The following CCDC102B variants were observed in gnomAD, a reference collection of about 807,000 sequenced individuals.
The protein encoded by CCDC102B is coiled-coil domain containing 102B, also known as coiled-coil domain-containing protein 102B.
A neutral mutation model predicts 57.4 loss-of-function variants in CCDC102B; 75 were observed. The observed-to-expected ratio is 1.31, with a 90% CI of 1.08 to 1.58. The LOEUF is 1.58. CCDC102B is among the 40% of genes most tolerant of loss of function. The pLI is 0.00. For synonymous variants in CCDC102B, 206 were observed against 201.9 expected, an observed-to-expected ratio of 1.02 and a Z score of -0.17; for missense variants, 636 against 582.6, an observed-to-expected ratio of 1.09 and a Z score of -0.94.
At chr18:68,759,233 A>G (rs994705716) in intron 2 of CCDC102B, among the ~76,000 whole-genome samples, 7 of 152,094 alleles carry the variant, frequency 4.6e-5, no homozygotes, top group Admixed American at 3.9e-4. Flanking sequence ...GATGTTTACC[A>G]TCTTAAAAAT....
rs1158834412 is a variant in CCDC102B at position 68,808,470 on chromosome 18, T to A, written c.-16+10289T>A. 1.2e-4 allele frequency among the ~76,000 whole-genome samples: 13 copies of A among 104,668 alleles called. No homozygotes were observed. The South Asian group carries it at 4.0e-3, about 32-fold the overall frequency. The allele number at this position is 104,668 out of a possible 152,430, so 68.7% of individuals were successfully genotyped here. ...TTGTTATTTCATTGCTTTTACTACT[T>A]TTTTTTTTTTTTTTTTTTTTTTTGT... On this transcript the variant is annotated intron_variant, in intron 1 of 7. Transcript: ENST00000360242.
At chr18:68,783,081 G>C (rs998894360) in intron 2 of CCDC102B, among the ~76,000 whole-genome samples, 2 of 152,132 alleles carry the variant, frequency 1.3e-5, no homozygotes, top group African/African-American at 4.8e-5. Context: ...TTGCAGGTGA[G>C]GTAATTGGTA....
At chr18:68,846,135 CTA>C (rs1182778806) in intron 3 of CCDC102B, among the ~76,000 whole-genome samples, 176 bp from the exon 4 acceptor site, 1 of 151,768 alleles carries the variant, frequency 6.6e-6, no homozygotes, top group African/African-American at 2.4e-5. Context: ...GAATAATAAA[CTA>C]AAATACTTTT....
At chr18:68,758,165 A>G (rs1038600706) in intron 2 of CCDC102B, among the ~76,000 whole-genome samples, 1 of 150,328 alleles carries the variant, frequency 6.7e-6, no homozygotes, top group Non-Finnish European at 1.5e-5. Flanking sequence ...CTGAAGACAT[A>G]CATGTATATG....
chr18:68,868,183 T>C (rs548602840), intron 4 of CCDC102B, among the ~76,000 whole-genome samples: 1 of 152,204 alleles, frequency 6.6e-6, no homozygotes, highest in Admixed American at 6.5e-5. Flanking sequence ...TAAAATTCAC[T>C]AAAAATTTTA....
At chr18:69,025,229 A>G in intron 7 of CCDC102B, among the ~76,000 whole-genome samples, 2 of 152,294 alleles carry the variant, frequency 1.3e-5, no homozygotes, top group Middle Eastern at 3.4e-3. Context: ...ACACTAATTT[A>G]TTTTCTTTAA....
At chr18:68,986,312 A>T (rs955742084) in intron 6 of CCDC102B, among the ~76,000 whole-genome samples, 1 of 152,206 alleles carries the variant, frequency 6.6e-6, no homozygotes, top group African/African-American at 2.4e-5. Context: ...AGTAGACTTT[A>T]TTCCTGGGAT....
At chr18:68,723,137 A>G (rs185118815) in intron 2 of CCDC102B, among the ~76,000 whole-genome samples, 30 of 152,252 alleles carry the variant, frequency 2.0e-4, no homozygotes, top group African/African-American at 7.0e-4. Context: ...AGCAAGGTGG[A>G]AAGCCCCTTT....
At chr18:68,914,511 A>C (rs1247055197) in intron 6 of CCDC102B, among the ~76,000 whole-genome samples, 2 of 152,202 alleles carry the variant, frequency 1.3e-5, no homozygotes, top group Non-Finnish European at 2.9e-5. Context: ...CATCCTGTGG[A>C]TGCATTAAAA....
intron 6 of CCDC102B, among the ~76,000 whole-genome samples, chr18:68,951,253 G>T (rs1286997921): frequency 1.3e-5 from 2 of 152,102 alleles, no homozygotes; most frequent in Non-Finnish European, 2.9e-5. Context: ...TTCAGAACGG[G>T]TGTTTGGGAA....
chr18:68,776,419 G>A (rs1350054153), intron 2 of CCDC102B, among the ~76,000 whole-genome samples: 3 of 152,122 alleles, frequency 2.0e-5, no homozygotes, highest in Non-Finnish European at 4.4e-5. Flanking sequence ...CAACCTAAAT[G>A]TCCATGAATA....
At chr18:69,016,380 T>C (rs1189585235) in intron 7 of CCDC102B, among the ~76,000 whole-genome samples, 2 of 152,116 alleles carry the variant, frequency 1.3e-5, no homozygotes, top group African/African-American at 2.4e-5. Flanking sequence ...ACTTAAGCAA[T>C]TACAATGACA....
intron 2 of CCDC102B, among the ~76,000 whole-genome samples, chr18:68,748,697 T>C (rs2033726310): frequency 6.6e-6 from 1 of 152,162 alleles, no homozygotes; most frequent in Non-Finnish European, 1.5e-5. Context: ...ATTTAATATG[T>C]AGTAAGACAT....
At chr18:68,727,379 C>A (rs1237601998) in intron 2 of CCDC102B, among the ~76,000 whole-genome samples, 2 of 152,148 alleles carry the variant, frequency 1.3e-5, no homozygotes, top group Non-Finnish European at 2.9e-5. Flanking sequence ...TTTATTAATA[C>A]AGCCCCAATA....
chr18:68,718,471 G>A (rs971868772), intron 2 of CCDC102B, among the ~76,000 whole-genome samples: 6 of 152,160 alleles, frequency 3.9e-5, no homozygotes, highest in Non-Finnish European at 8.8e-5. Context: ...CAAATTAATC[G>A]TGTTAAAAGT....
intron 6 of CCDC102B, among the ~76,000 whole-genome samples, chr18:68,994,664 G>C (rs939643809): frequency 6.6e-6 from 1 of 152,148 alleles, no homozygotes; most frequent in Non-Finnish European, 1.5e-5. Flanking sequence ...CCTTCCTGAT[G>C]CCTTGTGAAG....
At chr18:68,820,162 T>C (rs946598691) in intron 1 of CCDC102B, among the ~76,000 whole-genome samples, 9 of 152,120 alleles carry the variant, frequency 5.9e-5, no homozygotes, top group African/African-American at 2.2e-4. Flanking sequence ...AAGCTATCAA[T>C]AATTCAAAAT....
chr18:68,876,903 T>C (rs2039471200), intron 5 of CCDC102B, among the ~76,000 whole-genome samples: 1 of 152,228 alleles, frequency 6.6e-6, no homozygotes, highest in African/African-American at 2.4e-5. Flanking sequence ...ACTCCATTTT[T>C]TCAAGAATAA....
chr18:68,791,696 A>G (rs1291154576), intron 2 of CCDC102B, among the ~76,000 whole-genome samples: 1 of 151,988 alleles, frequency 6.6e-6, no homozygotes, highest in Non-Finnish European at 1.5e-5. Context: ...AACTTTCAAA[A>G]TTATCTAGTC....
Sources: gnomAD v4.1 joint callset for allele counts (sites outside exome capture counted in the v4.1 genomes callset) on GRCh38, gnomAD v4.1.1 for gene constraint, MANE v1.5 for transcripts, NCBI Gene and HGNC (gene_info 2026-07-23, HGNC 2026-07-21) for gene names.